PPP1R12B: variants seen among roughly 807,000 people sequenced by gnomAD.
PPP1R12B encodes myosin phosphatase target subunit 2.
PPP1R12B carries 76 observed loss-of-function variants against 126.1 expected under a neutral mutation model. That is an observed-to-expected ratio of 0.60 (90% CI 0.50 to 0.73). PPP1R12B has a LOEUF of 0.73. Among genes scored for constraint, PPP1R12B ranks in the 30% least tolerant of loss-of-function variants. PPP1R12B has a pLI of 0.00. For missense variants in PPP1R12B, 1,052 were observed against 1,205.1 expected (o/e 0.87, Z 1.88); for synonymous variants, 356 against 434.7 (o/e 0.82, Z 2.25).
At chr1:202,416,656 A>G (rs1668108134) in intron 1 of PPP1R12B, 131 bp from the exon 2 acceptor site, 1 of 748,056 alleles carries the variant, frequency 1.3e-6, no homozygotes. Context: ...TGCTCTGGAC[A>G]CAGTATGGAA....
intron 1 of PPP1R12B, among the ~76,000 whole-genome samples, chr1:202,412,716 T>C (rs1046876596): frequency 2.0e-5 from 3 of 152,244 alleles, no homozygotes; most frequent in Non-Finnish European, 2.9e-5. Flanking sequence ...AGAGTGTTTT[T>C]AGCACAACCT....
chr1:202,572,118 T>G (rs1688662319), intron 23 of PPP1R12B, among the ~76,000 whole-genome samples: 1 of 152,236 alleles, frequency 6.6e-6, no homozygotes, highest in Non-Finnish European at 1.5e-5. Flanking sequence ...GACTATGGTT[T>G]ATGGTGACCA....
At chr1:202,513,513 G>T (rs1215691772) in intron 18 of PPP1R12B, among the ~76,000 whole-genome samples, 1 of 152,170 alleles carries the variant, frequency 6.6e-6, no homozygotes, top group East Asian at 1.9e-4. Flanking sequence ...TGTCCTATAG[G>T]CAATTAGATA....
chr1:202,453,359 AATGTGTTGT>A (rs1673241177), intron 13 of PPP1R12B, among the ~76,000 whole-genome samples: 2 of 152,082 alleles, frequency 1.3e-5, no homozygotes, highest in Non-Finnish European at 1.5e-5. Context: ...TTATCTTTTT[AATGTGTTGT>A]TGAACTTGGT....
At chr1:202,484,174 A>G (rs1178478467) in intron 13 of PPP1R12B, among the ~76,000 whole-genome samples, 1 of 152,070 alleles carries the variant, frequency 6.6e-6, no homozygotes, top group Non-Finnish European at 1.5e-5. Context: ...TGGTGGTTTT[A>G]TAGATCCTTC....
chr1:202,354,791 G>C (rs913211471), intron 1 of PPP1R12B, among the ~76,000 whole-genome samples: 3 of 151,424 alleles, frequency 2.0e-5, no homozygotes, highest in African/African-American at 2.4e-5. Flanking sequence ...GGGATTACAG[G>C]GGGGTGACAC....
At chr1:202,551,886 G>A (rs1270458293) in intron 18 of PPP1R12B, among the ~76,000 whole-genome samples, 3 of 152,184 alleles carry the variant, frequency 2.0e-5, no homozygotes, top group African/African-American at 7.2e-5. Context: ...AAGGCAGTGG[G>A]TACCTGAAAC....
In PPP1R12B at chr1:202,422,538, G is replaced by A. The variant is rs1337158646; in HGVS notation, c.423-82G>A. On this transcript the variant is annotated intron_variant, in intron 2 of 23. Coordinates refer to ENST00000608999, the MANE Select transcript of PPP1R12B (RefSeq NM_002481.4). Reference sequence around the variant, plus strand: ...ATTTTAAACTCAAAATAGAGACTTCGCTGTGTATTGAATGCCAGATGCATG... The same window carrying A: ...ATTTTAAACTCAAAATAGAGACTTCACTGTGTATTGAATGCCAGATGCATG... 5.5e-6 allele frequency: 7 copies of A among 1,268,878 alleles called. No individual in the cohort carries two copies. In the African/African-American group the frequency reaches 5.9e-5, roughly 11 times the overall value. 78.6% of individuals were successfully genotyped at this position (1,268,878 alleles called of 1,614,324 possible). A position where few individuals can be genotyped will look rare whatever the true frequency, so the allele number is the denominator to read the frequency against.
chr1:202,449,661 A>G (rs1156372610), intron 13 of PPP1R12B, among the ~76,000 whole-genome samples: 1 of 151,850 alleles, frequency 6.6e-6, no homozygotes, highest in Non-Finnish European at 1.5e-5. Context: ...ATTATTTAGC[A>G]TAGACACTTA....
In PPP1R12B at chr1:202,548,776, GTCTCTCTCTC is replaced by G. The variant is rs1196499777; in HGVS notation, c.2491-10077_2491-10068del. On this transcript the variant is annotated intron_variant, in intron 18 of 23. Coordinates refer to ENST00000608999, the MANE Select transcript of PPP1R12B (RefSeq NM_002481.4). ...TCATGCGCTCGCTCACTCGCTCGCT[GTCTCTCTCTC>G]TCTCTCTCTCTCTCTCTCTCTCTAT... Among the ~76,000 whole-genome samples, 10 of 98,930 alleles carry G rather than the reference GTCTCTCTCTC, an allele frequency of 1.0e-4. No homozygotes were observed. In the East Asian group the frequency reaches 2.5e-3, roughly 25 times the overall value. 64.9% of individuals were successfully genotyped at this position (98,930 alleles called of 152,430 possible).
chr1:202,438,349 G>C (rs1430526817), intron 10 of PPP1R12B: 20 of 1,025,680 alleles, frequency 1.9e-5, no homozygotes, highest in South Asian at 1.8e-4. Flanking sequence ...CAGGACCCCA[G>C]GTAGGGGTCC....
intron 23 of PPP1R12B, among the ~76,000 whole-genome samples, chr1:202,571,565 C>T (rs1395640300): frequency 8.5e-5 from 13 of 152,218 alleles, no homozygotes; most frequent in Non-Finnish European, 1.8e-4. Context: ...AGCGATTCTC[C>T]TGCCTCAGCC....
chr1:202,454,598 A>T (rs1673383665), intron 13 of PPP1R12B, among the ~76,000 whole-genome samples: 1 of 152,214 alleles, frequency 6.6e-6, no homozygotes, highest in Non-Finnish European at 1.5e-5. Context: ...AAGTAGTATG[A>T]GTTGTTATAA....
intron 1 of PPP1R12B, among the ~76,000 whole-genome samples, chr1:202,376,878 A>G (rs151144693): frequency 6.6e-4 from 101 of 152,296 alleles, no homozygotes; most frequent in Non-Finnish European, 1.2e-3. Context: ...TGTCCAACCT[A>G]TGGCCCCTGA....
chr1:202,439,505 T>C, intron 10 of PPP1R12B: 2 of 1,530,236 alleles, frequency 1.3e-6, no homozygotes, highest in Non-Finnish European at 8.9e-7. Flanking sequence ...AGTGGCTGTT[T>C]GGGGCGACTG....
At chr1:202,386,472 C>A (rs879732617) in intron 1 of PPP1R12B, among the ~76,000 whole-genome samples, 43 of 152,096 alleles carry the variant, frequency 2.8e-4, no homozygotes, top group Non-Finnish European at 5.7e-4. Context: ...GCTGGGACTA[C>A]AGGTGCCCGC....
chr1:202,358,116 T>C (rs1657449005), intron 1 of PPP1R12B, among the ~76,000 whole-genome samples: 1 of 152,176 alleles, frequency 6.6e-6, no homozygotes, highest in African/African-American at 2.4e-5. Flanking sequence ...TTCAACATAG[T>C]AATAATAAAT....
intron 14 of PPP1R12B, among the ~76,000 whole-genome samples, chr1:202,488,831 G>T (rs1208167533): frequency 6.6e-6 from 1 of 152,128 alleles, no homozygotes; most frequent in Non-Finnish European, 1.5e-5. Flanking sequence ...CTGACTTGAG[G>T]TCAGGAGTTC....
intron 22 of PPP1R12B, 94 bp from the exon 23 acceptor site, chr1:202,569,053 C>A: frequency 7.2e-7 from 1 of 1,379,894 alleles, no homozygotes; most frequent in Non-Finnish European, 1.0e-6. Context: ...AAACCTTTGA[C>A]CGTGAATCTG....
Sources: allele counts gnomAD v4.1 joint callset (sites outside exome capture counted in the v4.1 genomes callset), GRCh38; gene constraint gnomAD v4.1.1; transcripts MANE v1.5; gene names NCBI Gene and HGNC (gene_info 2026-07-23, HGNC 2026-07-21).